The following OPCML variants were observed in gnomAD, a reference collection of about 807,000 sequenced individuals.
The protein encoded by OPCML is opioid-binding protein/cell adhesion molecule.
A neutral mutation model predicts 37.8 loss-of-function variants in OPCML; 13 were observed. The observed-to-expected ratio is 0.34, with a 90% CI of 0.22 to 0.55. The LOEUF (loss-of-function observed/expected upper bound fraction) is 0.55, where lower values mean the gene tolerates loss of function less well. Ranked by LOEUF, OPCML falls within the 20% of genes least tolerant of loss-of-function variation. The probability of loss-of-function intolerance (pLI) is 0.91; values close to 1 mark genes in which losing one functional copy is unlikely to be tolerated. For synonymous variants in OPCML, 176 were observed against 168.8 expected, an observed-to-expected ratio of 1.04 and a Z score of -0.33; for missense variants, 341 against 435.6, an observed-to-expected ratio of 0.78 and a Z score of 1.93.
Position 133,208,503 on chromosome 11 carries a change from T to C in OPCML, c.62-265493A>G, listed in dbSNP as rs1425212843. Among the ~76,000 whole-genome samples, 2 of 152,208 alleles carry C rather than the reference T, an allele frequency of 1.3e-5. 1 individual carries two copies. Among genetic ancestry groups the C allele is most frequent in the South Asian group, 4.1e-4 (2 of 4,832 alleles). On this transcript the variant is annotated intron_variant, in intron 1 of 7. Transcript: ENST00000524381. The surrounding 1 kb of genome is among the most constrained non-coding windows in gnomAD (Gnocchi z 8.9). Reference sequence around the variant, plus strand: ...GCATGAATAGATTTGGATAATAAAGTGCAATGAAGTATGTCAGTAGGGCAT... The same window carrying C: ...GCATGAATAGATTTGGATAATAAAGCGCAATGAAGTATGTCAGTAGGGCAT...
At chr11:132,711,964 C>T (rs1302587126) in intron 2 of OPCML, among the ~76,000 whole-genome samples, 1 of 152,186 alleles carries the variant, frequency 6.6e-6, no homozygotes, top group Non-Finnish European at 1.5e-5. Flanking sequence ...GCCTCATTTT[C>T]ATACGATTCC....
chr11:133,348,573 C>T (rs1329654463), intron 1 of OPCML, among the ~76,000 whole-genome samples: 1 of 152,160 alleles, frequency 6.6e-6, no homozygotes, highest in Non-Finnish European at 1.5e-5. Flanking sequence ...AATAGAGGAG[C>T]AGGTAACTTC....
chr11:133,181,045 A>C (rs1424342949), intron 1 of OPCML, among the ~76,000 whole-genome samples: 1 of 152,204 alleles, frequency 6.6e-6, no homozygotes, highest in Non-Finnish European at 1.5e-5. Flanking sequence ...AAAAAAATCC[A>C]ATTCTGCAAA....
At chr11:133,121,250 C>G (rs771262934) in intron 1 of OPCML, among the ~76,000 whole-genome samples, 2 of 152,278 alleles carry the variant, frequency 1.3e-5, no homozygotes, top group South Asian at 4.1e-4. Flanking sequence ...TGGGATTTAC[C>G]TAGCAAACCA....
intron 4 of OPCML, among the ~76,000 whole-genome samples, chr11:132,512,874 T>C (rs2096271879): frequency 6.6e-6 from 1 of 152,022 alleles, no homozygotes; most frequent in South Asian, 2.1e-4. Flanking sequence ...GGGAAGCTTT[T>C]GAGGTAATGG....
At chr11:132,519,625 G>C (rs1192610551) in intron 4 of OPCML, among the ~76,000 whole-genome samples, 2 of 152,140 alleles carry the variant, frequency 1.3e-5, no homozygotes, top group East Asian at 1.9e-4. Flanking sequence ...CACATTGCTA[G>C]ACCTTCACAC....
chr11:132,627,950 G>A (rs1297764330), intron 3 of OPCML, among the ~76,000 whole-genome samples: 2 of 152,158 alleles, frequency 1.3e-5, no homozygotes, highest in Admixed American at 1.3e-4. Flanking sequence ...ATTTGGAAAG[G>A]TGATAGTAGT....
At chr11:133,202,551 G>A (rs905814943) in intron 1 of OPCML, among the ~76,000 whole-genome samples, 2 of 152,150 alleles carry the variant, frequency 1.3e-5, no homozygotes, top group African/African-American at 2.4e-5. Context: ...GAACAGTCTC[G>A]CCCTCCCTCA....
At chr11:132,601,004 T>C (rs183757707) in intron 3 of OPCML, among the ~76,000 whole-genome samples, 211 of 152,174 alleles carry the variant, frequency 1.4e-3, no homozygotes, top group Non-Finnish European at 2.4e-3. Context: ...ACAGTTAACA[T>C]TAATCAAATT....
Position 132,943,084 on chromosome 11 carries a change from G to C in OPCML, c.62-74C>G, listed in dbSNP as rs1287129645. The C allele has an allele frequency of 1.9e-6, 3 of 1,613,986 alleles. No homozygotes were observed. The highest frequency in any genetic ancestry group is 2.5e-6 in the Non-Finnish European group (3 of 1,179,986). Reference sequence around the variant, plus strand: ...TCCAGGGCAGGAACAGGTACCCACAGACCCCCATTCTCGACAGCCACAACT... The same window carrying C: ...TCCAGGGCAGGAACAGGTACCCACACACCCCCATTCTCGACAGCCACAACT... On this transcript the variant is annotated intron_variant, in intron 1 of 7. Coordinates refer to ENST00000524381, the MANE Select transcript of OPCML (RefSeq NM_001012393.5). The surrounding 1 kb of genome is among the most constrained non-coding windows in gnomAD (Gnocchi z 4.3).
chr11:132,695,647 G>A (rs548839044), intron 2 of OPCML, among the ~76,000 whole-genome samples: 1 of 152,242 alleles, frequency 6.6e-6, no homozygotes, highest in East Asian at 1.9e-4. Flanking sequence ...CAAAAGATGA[G>A]GGCAGCCAGC....
At position 133,186,898 on chromosome 11, in the gene OPCML, G is replaced by A. The variant is rs77465969; in HGVS notation, c.62-243888C>T. On this transcript the variant is annotated intron_variant, in intron 1 of 7. Transcript: ENST00000524381. ...GTTAGAATTCTAAGGATGGTTCTCAGGGTAGGCCTCATTGAGAAGCCTGGA... is the reference window on the plus strand; with the variant it reads ...GTTAGAATTCTAAGGATGGTTCTCAAGGTAGGCCTCATTGAGAAGCCTGGA... Among the ~76,000 whole-genome samples, 50 of 152,244 alleles carry A rather than the reference G, an allele frequency of 3.3e-4. No homozygotes were observed. In the East Asian group the frequency reaches 5.8e-3, roughly 18 times the overall value.
intron 4 of OPCML, among the ~76,000 whole-genome samples, chr11:132,437,660 T>C (rs1239749418): frequency 2.0e-5 from 3 of 152,178 alleles, no homozygotes; most frequent in Non-Finnish European, 4.4e-5. Flanking sequence ...AACTCAGAGA[T>C]GACATGATAA....
rs77315748 is a variant in OPCML at position 132,656,709 on chromosome 11, C to A, written c.379+378G>T. 2.5e-3 allele frequency among the ~76,000 whole-genome samples: 377 copies of A among 152,248 alleles called. 3 individuals carry two copies. The highest frequency in any genetic ancestry group is 8.4e-3 in the African/African-American group (351 of 41,544). On this transcript the variant is annotated intron_variant, in intron 3 of 7. Coordinates refer to ENST00000524381, the MANE Select transcript of OPCML (RefSeq NM_001012393.5). ...CACGTAGTTTCTCATTGGCATTATT[C>A]GTCTTTTATCATGAAATAAGCCTAT...
intron 2 of OPCML, among the ~76,000 whole-genome samples, chr11:132,743,873 G>A (rs1945521624): frequency 6.6e-6 from 1 of 152,144 alleles, no homozygotes; most frequent in Non-Finnish European, 1.5e-5. Flanking sequence ...ATTCATTTCT[G>A]TCTTGCCACA....
At chr11:132,754,242 T>A (rs912719835) in intron 2 of OPCML, among the ~76,000 whole-genome samples, 1 of 152,216 alleles carries the variant, frequency 6.6e-6, no homozygotes, top group Admixed American at 6.5e-5. Context: ...TTTGGCTGTG[T>A]CCCCACCCAA....
chr11:133,166,786 TAA>T (rs1565482517), intron 1 of OPCML, among the ~76,000 whole-genome samples: 7 of 152,196 alleles, frequency 4.6e-5, no homozygotes, highest in African/African-American at 1.7e-4. Context: ...TGAAACAGAT[TAA>T]ACTCATTTGC....
At chr11:133,391,133 G>C (rs1286145681) in intron 1 of OPCML, among the ~76,000 whole-genome samples, 2 of 152,160 alleles carry the variant, frequency 1.3e-5, no homozygotes, top group African/African-American at 4.8e-5. Context: ...AATGAATGTC[G>C]ACGATGTTGC....
intron 1 of OPCML, among the ~76,000 whole-genome samples, chr11:133,362,435 A>G (rs919484796): frequency 1.3e-5 from 2 of 152,126 alleles, no homozygotes; most frequent in African/African-American, 2.4e-5. Context: ...CCAGGAGCCC[A>G]TCCACCACCC....
Sources: gnomAD v4.1 joint callset for allele counts (sites outside exome capture counted in the v4.1 genomes callset) on GRCh38, gnomAD v4.1.1 for gene constraint, Gnocchi (gnomAD v3.1) non-coding constraint, MANE v1.5 for transcripts, NCBI Gene and HGNC (gene_info 2026-07-23, HGNC 2026-07-21) for gene names.